Variants in BABAM2 observed in about 807,000 individuals in gnomAD.
The protein encoded by BABAM2 is BRISC and BRCA1-A complex member 2.
Under a neutral mutation model 54.7 loss-of-function variants are expected in BABAM2, and 31 were observed. The ratio of observed to expected loss-of-function variants is 0.57; its 90% CI spans 0.43 to 0.77. The LOEUF is 0.77. BABAM2 is among the 30% of genes least tolerant of loss of function. BABAM2 has a pLI of 0.00. For missense variants in BABAM2, 364 were observed against 455.8 expected (o/e 0.80, Z 1.83); for synonymous variants, 167 against 162.9 (o/e 1.03, Z -0.19).
At chr2:27,891,299 T>G (rs966955452) in intron 1 of BABAM2, among the ~76,000 whole-genome samples, 2 of 152,148 alleles carry the variant, frequency 1.3e-5, no homozygotes, top group Admixed American at 6.5e-5. Context: ...CCCCTTTCCG[T>G]TCCATGACGT....
chr2:27,925,883 C>T (rs545979185), intron 2 of BABAM2, among the ~76,000 whole-genome samples: 2 of 152,320 alleles, frequency 1.3e-5, no homozygotes, highest in South Asian at 4.1e-4. Flanking sequence ...AGAACACTGT[C>T]TCCTCACTGA....
intron 10 of BABAM2, among the ~76,000 whole-genome samples, chr2:28,246,454 A>G (rs995969005): frequency 2.0e-5 from 3 of 152,066 alleles, no homozygotes; most frequent in South Asian, 4.2e-4. Flanking sequence ...ATCTCTTGTG[A>G]CTTGGGAAGG....
chr2:27,900,452 T>C (rs1188649663), intron 2 of BABAM2, among the ~76,000 whole-genome samples: 1 of 152,178 alleles, frequency 6.6e-6, no homozygotes, highest in Non-Finnish European at 1.5e-5. Context: ...AGACTGTGTA[T>C]GTTTCTAAAC....
intron 2 of BABAM2, among the ~76,000 whole-genome samples, chr2:27,902,704 G>A (rs1294021407): frequency 1.3e-5 from 2 of 152,260 alleles, no homozygotes; most frequent in East Asian, 3.9e-4. Flanking sequence ...TATTTCTATA[G>A]ATTTTAAAGC....
At chr2:28,264,976 C>T (rs1684854752) in intron 10 of BABAM2, among the ~76,000 whole-genome samples, 1 of 152,196 alleles carries the variant, frequency 6.6e-6, no homozygotes, top group Non-Finnish European at 1.5e-5. Flanking sequence ...ACAACCCAGA[C>T]TTAACTTTGC....
rs1489569312 is a variant in BABAM2, at chr2:28,086,131, A to C, written c.570+40332A>C. Among the ~76,000 whole-genome samples the C allele has an allele frequency of 2.6e-5, 4 of 152,200 alleles. No homozygotes were observed. The East Asian group carries it at 7.7e-4, about 29-fold the overall frequency. ...TGTCCGTCTGTAATTTGTAGACAGGATATGCCCAAGTGCAGAAAAAATAGA... is the reference window on the plus strand; with the variant it reads ...TGTCCGTCTGTAATTTGTAGACAGGCTATGCCCAAGTGCAGAAAAAATAGA... On this transcript the variant is annotated intron_variant, in intron 6 of 11. Coordinates refer to ENST00000379624, the MANE Select transcript of BABAM2 (RefSeq NM_199191.3).
At chr2:28,011,510 G>A (rs1259920690) in intron 4 of BABAM2, among the ~76,000 whole-genome samples, 1 of 152,156 alleles carries the variant, frequency 6.6e-6, no homozygotes, top group Non-Finnish European at 1.5e-5. Context: ...CTATAGCTGG[G>A]ATTTCGACTA....
intron 6 of BABAM2, among the ~76,000 whole-genome samples, chr2:28,067,307 A>T (rs996282983): frequency 6.6e-6 from 1 of 152,206 alleles, no homozygotes; most frequent in African/African-American, 2.4e-5. Flanking sequence ...AGATACTCAG[A>T]TCTATAATAA....
chr2:27,925,808 C>T (rs957099499), intron 2 of BABAM2, among the ~76,000 whole-genome samples: 1 of 152,202 alleles, frequency 6.6e-6, no homozygotes, highest in Non-Finnish European at 1.5e-5. Context: ...CATTCTTGCT[C>T]TCATGCGCCT....
At chr2:28,046,352 C>G (rs747013209) in intron 6 of BABAM2, among the ~76,000 whole-genome samples, 1 of 152,040 alleles carries the variant, frequency 6.6e-6, no homozygotes, top group South Asian at 2.1e-4. Flanking sequence ...CCCAGCTACT[C>G]GGGAGACTGA....
At chr2:28,248,381 G>A (rs6547837) in intron 10 of BABAM2, among the ~76,000 whole-genome samples, 25,926 of 150,984 alleles carry the variant, frequency 0.17, 2,345 homozygotes, top group African/African-American at 0.2. Context: ...GGCTAATTTT[G>A]TAATTTTAGT....
At chr2:28,121,212 A>G (rs1669038681) in intron 6 of BABAM2, among the ~76,000 whole-genome samples, 1 of 152,104 alleles carries the variant, frequency 6.6e-6, no homozygotes, top group African/African-American at 2.4e-5. Context: ...GGACCCGTTT[A>G]TTGCCCTTCC....
rs180727915 is a variant in BABAM2, at chr2:28,229,825, G to A, written c.681-7377G>A. On this transcript the variant is annotated intron_variant, in intron 7 of 11. Coordinates refer to ENST00000379624, the MANE Select transcript of BABAM2 (RefSeq NM_199191.3). The stretch of plus-strand genomic sequence containing the variant: ...TGGTCTCAAACTCCTGATCTCAAGT[G>A]GTCCACCTGCCTTGGCCTCCCAAAG... Among the ~76,000 whole-genome samples, 1,018 of 152,200 alleles carry A rather than the reference G, an allele frequency of 6.7e-3. 13 individuals are homozygous for A. The highest frequency in any genetic ancestry group is 0.048 in the South Asian group (232 of 4,820).
intron 3 of BABAM2, among the ~76,000 whole-genome samples, chr2:27,955,877 T>C (rs1040974721): frequency 6.6e-6 from 1 of 152,194 alleles, no homozygotes; most frequent in Non-Finnish European, 1.5e-5. Context: ...CGTTTTAGTG[T>C]TTCTGATTTC....
intron 3 of BABAM2, among the ~76,000 whole-genome samples, chr2:27,965,668 T>C (rs1451217685): frequency 6.6e-6 from 1 of 152,208 alleles, no homozygotes; most frequent in Admixed American, 6.5e-5. Context: ...TACACACACG[T>C]ATACATATGT....
chr2:28,055,123 G>A (rs1020215886), intron 6 of BABAM2, among the ~76,000 whole-genome samples: 1 of 152,162 alleles, frequency 6.6e-6, no homozygotes. Flanking sequence ...CAACAGCGAT[G>A]GAGCTGGAGG....
chr2:28,269,850 AT>A (rs10709627), intron 10 of BABAM2, among the ~76,000 whole-genome samples: 5,328 of 146,146 alleles, frequency 0.036, 167 homozygotes, highest in African/African-American at 0.1. Context: ...TTTTCTTGTC[AT>A]TTTTTTTTTT....
At chr2:28,151,423 T>A (rs1672023091) in intron 7 of BABAM2, among the ~76,000 whole-genome samples, 2 of 151,950 alleles carry the variant, frequency 1.3e-5, no homozygotes, top group South Asian at 4.2e-4. Flanking sequence ...TACAAAAAAT[T>A]AGCCAGGTGT....
intron 8 of BABAM2, among the ~76,000 whole-genome samples, chr2:28,240,793 C>G (rs977158726): frequency 6.6e-6 from 1 of 151,116 alleles, no homozygotes; most frequent in African/African-American, 2.4e-5. Flanking sequence ...TCACTTGAAC[C>G]CAGGAGGTGG....
Sources: allele counts gnomAD v4.1 joint callset (sites outside exome capture counted in the v4.1 genomes callset), GRCh38; gene constraint gnomAD v4.1.1; transcripts MANE v1.5; gene names NCBI Gene and HGNC (gene_info 2026-07-23, HGNC 2026-07-21).